The following MSH6 variants were observed in gnomAD, a reference collection of about 807,000 sequenced individuals.
MSH6 encodes DNA mismatch repair protein Msh6.
MSH6 carries 85 observed loss-of-function variants against 119.1 expected under a neutral mutation model. That is an observed-to-expected ratio of 0.71 (90% CI 0.60 to 0.85). The LOEUF (loss-of-function observed/expected upper bound fraction) is 0.85. Among genes scored for constraint, MSH6 ranks in the 40% least tolerant of loss-of-function variants. MSH6 has a pLI of 0.00. For missense variants in MSH6, 2,163 were observed against 1,655.3 expected, an observed-to-expected ratio of 1.31 and a Z score of -5.32; for synonymous variants, 830 against 586.9, an observed-to-expected ratio of 1.41 and a Z score of -5.99.
At chr2:47,792,518 CTTTT>C (rs1326994956) in intron 2 of MSH6, among the ~76,000 whole-genome samples, 1 of 152,052 alleles carries the variant, frequency 6.6e-6, no homozygotes, top group East Asian at 1.9e-4. Flanking sequence ...TTCTTTTAAT[CTTTT>C]TAAAAGAAAT....
chr2:47,795,120 C>T (rs112930023), intron 2 of MSH6, among the ~76,000 whole-genome samples: 1 of 152,018 alleles, frequency 6.6e-6, no homozygotes, highest in African/African-American at 2.4e-5. Flanking sequence ...GATTCTCAAA[C>T]CTCTTTTAAA....
At chr2:47,805,180 TCTC>T (rs770314674) in intron 6 of MSH6, among the ~76,000 whole-genome samples, 153 bp downstream of exon 6, 39 of 150,082 alleles carry the variant, frequency 2.6e-4, no homozygotes, top group African/African-American at 7.7e-4. Flanking sequence ...ATAGTCTCTC[TCTC>T]TTTTTTTTTT....
At chr2:47,797,870 C>T (rs984138140) in intron 3 of MSH6, 1 of 235,506 alleles carries the variant, frequency 4.2e-6, no homozygotes, top group East Asian at 1.1e-4. Context: ...ATGCTTGCAT[C>T]TCTTAATAGC....
intron 4 of MSH6, 47 bp downstream of exon 4, chr2:47,801,202 G>T (rs374387932): frequency 1.3e-5 from 21 of 1,589,478 alleles, no homozygotes; most frequent in Non-Finnish European, 1.8e-5. Context: ...AAGTAGTGCT[G>T]TTTGCCAGCT....
intron 1 of MSH6, among the ~76,000 whole-genome samples, chr2:47,790,300 T>C (rs1235502054): frequency 1.3e-5 from 2 of 152,170 alleles, no homozygotes; most frequent in African/African-American, 4.8e-5. Context: ...GGCGTGTGCC[T>C]GTAGTCTTGG....
chr2:47,808,868 G>C (rs940394408), downstream of MSH6: 1 of 289,780 alleles, frequency 3.5e-6, no homozygotes, highest in Admixed American at 4.8e-5. Context: ...TATGGTCTTT[G>C]TTTTGTTTTG....
rs63750257 is a variant in MSH6 at position 47,804,913 on chromosome 2, G to A, written c.3442G>A (p.Gly1148Ser). 6.2e-7 allele frequency: 1 copy of A among 1,613,158 alleles called. No individual in the cohort carries two copies. The highest frequency in any genetic ancestry group is 8.5e-7 in the Non-Finnish European group (1 of 1,179,116). The change falls in exon 6 of 10, where the codon GGC (glycine) becomes AGC (serine). Residue 1148 changes from glycine (G) to serine (S), a missense_variant. By Grantham distance (56) the Gly-to-Ser change is moderately conservative. Transcript: ENST00000234420. ...GGKSTLMRQAGLLAVMAQMGC... is the reference protein window; with the variant it reads ...GGKSTLMRQASLLAVMAQMGC... The stretch of plus-strand genomic sequence containing the variant: ...CCTTTTCCTCCCTCATTCACAGGCT[G>A]GCTTATTAGCTGTAATGGCCCAGAT...
chr2:47,785,258 C>T (rs1192540061), intron 1 of MSH6, among the ~76,000 whole-genome samples: 2 of 151,584 alleles, frequency 1.3e-5, no homozygotes, highest in African/African-American at 2.4e-5. Context: ...AATGGAGTCT[C>T]GCTCTGTCGC....
In MSH6 at chr2:47,799,167, C is replaced by A. The variant is rs767658494; in HGVS notation, c.1184C>A (p.Thr395Lys). 1 of 1,614,178 alleles carries A rather than the reference C, an allele frequency of 6.2e-7. No homozygotes were observed. The highest frequency in any genetic ancestry group is 8.5e-7 in the Non-Finnish European group (1 of 1,180,024). Residue 395 changes from threonine to lysine, a missense_variant, in exon 4 of 10, where the codon ACA becomes AAA. Coordinates refer to ENST00000234420, the MANE Select transcript of MSH6 (RefSeq NM_000179.3). The part of the protein sequence containing the change: ...RPDHPDFDAS[T>K]LYVPEDFLNS... The stretch of plus-strand genomic sequence containing the variant: ...GATCACCCCGATTTTGATGCATCTA[C>A]ACTCTATGTGCCTGAGGATTTCCTC...
At chr2:47,809,914 GC>G, downstream of MSH6, 1 of 538,138 alleles carries the variant, frequency 1.9e-6, no homozygotes, top group South Asian at 2.6e-5. Flanking sequence ...ATTAACTTTC[GC>G]ACCAACCTAA....
chr2:47,790,292 C>T (rs977707432), intron 1 of MSH6, among the ~76,000 whole-genome samples: 3 of 152,090 alleles, frequency 2.0e-5, no homozygotes, highest in Non-Finnish European at 4.4e-5. Context: ...GGTGTGATGG[C>T]GTGTGCCTGT....
downstream of MSH6, chr2:47,809,126 CTT>C (rs1431793113): frequency 7.4e-7 from 1 of 1,343,688 alleles, no homozygotes; most frequent in Middle Eastern, 1.9e-4. Flanking sequence ...CAGTCTTCCT[CTT>C]TTCAGGACTC....
chr2:47,798,429 A>G (rs1252383623), intron 3 of MSH6, among the ~76,000 whole-genome samples, 182 bp from the exon 4 acceptor site: 1 of 152,222 alleles, frequency 6.6e-6, no homozygotes, highest in East Asian at 1.9e-4. Flanking sequence ...CATCTAACAC[A>G]AAGCCTATTT....
intron 5 of MSH6, among the ~76,000 whole-genome samples, chr2:47,804,134 TTTTTTTTTTGTTG>T (rs570900695): frequency 1.4e-5 from 2 of 143,492 alleles, no homozygotes; most frequent in East Asian, 3.9e-4. Flanking sequence ...ATGCTGGCCC[TTTTTTTTTTGTTG>T]TTGCCAAGGC....
rs753373644 is a variant in MSH6, at chr2:47,798,921, A to G, written c.938A>G (p.Lys313Arg). Residue 313 changes from lysine to arginine, a missense_variant, in exon 4 of 10, where the codon AAA becomes AGA. By Grantham distance (26) the Lys-to-Arg change is conservative. Coordinates refer to ENST00000234420, the MANE Select transcript of MSH6 (RefSeq NM_000179.3). Reference protein sequence around the residue: ...MVTGNGSLKRKSSRKETPSAT... With the variant: ...MVTGNGSLKRRSSRKETPSAT... ...ACTGGAAATGGCTCTCTTAAAAGGA[A>G]AAGCTCTAGGAAGGAAACGCCCTCA... 1 of 1,614,196 alleles carries G rather than the reference A, an allele frequency of 6.2e-7. No homozygotes were observed. The highest frequency in any genetic ancestry group is 8.5e-7 in the Non-Finnish European group (1 of 1,180,034).
chr2:47,800,084 T>C lies in MSH6; in HGVS notation c.2101T>C (p.Leu701=), dbSNP rs1057523503. 2 of 1,614,040 alleles carry C rather than the reference T, an allele frequency of 1.2e-6. No individual in the cohort carries two copies. The highest frequency in any genetic ancestry group is 2.7e-5 in the African/African-American group (2 of 74,920). The change falls in exon 4 of 10, where the codon TTA becomes CTA. Residue 701 remains leucine (L), a synonymous_variant. Transcript: ENST00000234420. ...LKKCLIDQEL[L]SMANFEEYIP... ...AAAATGCCTTATTGATCAGGAGCTT[T>C]TATCAATGGCTAATTTTGAAGAATA...
At chr2:47,797,214 A>G (rs1472796966) in intron 3 of MSH6, among the ~76,000 whole-genome samples, 1 of 152,230 alleles carries the variant, frequency 6.6e-6, no homozygotes, top group Non-Finnish European at 1.5e-5. Context: ...AAAGATCATT[A>G]TCCTCTGATC....
chr2:47,796,530 C>T (rs1572717050), intron 3 of MSH6, among the ~76,000 whole-genome samples: 1 of 152,364 alleles, frequency 6.6e-6, no homozygotes, highest in South Asian at 2.1e-4. Flanking sequence ...GCATGAGCCA[C>T]AGCACCCAGC....
chr2:47,800,908 C>CCGTT lies in MSH6; in HGVS notation c.2926_2929dup (p.Tyr977SerfsTer8). ...TAGTCTATTGGGGGATTGGTAGGAA[C>CCGTT]CGTTACCAGCTGGAAATTCCTGAGA... On this transcript the variant is annotated frameshift_variant, in exon 4 of 10. Coordinates refer to ENST00000234420, the MANE Select transcript of MSH6 (RefSeq NM_000179.3). LOFTEE classifies it high-confidence loss of function. 1 of 1,584,332 alleles carries CCGTT rather than the reference C, an allele frequency of 6.3e-7. No homozygotes were observed. The highest frequency in any genetic ancestry group is 8.6e-7 in the Non-Finnish European group (1 of 1,167,288).
Sources: allele counts gnomAD v4.1 joint callset (sites outside exome capture counted in the v4.1 genomes callset), GRCh38; gene constraint gnomAD v4.1.1; transcripts MANE v1.5; gene names NCBI Gene and HGNC (gene_info 2026-07-23, HGNC 2026-07-21).